The following ADGRD1 variants were observed in gnomAD, a reference collection of about 807,000 sequenced individuals.
ADGRD1 encodes adhesion G protein-coupled receptor D1, also known as G-protein coupled receptor 133.
A neutral mutation model predicts 113.4 loss-of-function variants in ADGRD1; 77 were observed. The observed-to-expected ratio is 0.68, with a 90% CI of 0.57 to 0.82. The LOEUF is 0.82. Ranked by LOEUF, ADGRD1 falls within the 40% of genes least tolerant of loss-of-function variation. The probability of loss-of-function intolerance (pLI) is 0.00; values close to 1 mark genes in which losing one functional copy is unlikely to be tolerated. For missense variants in ADGRD1, 1,036 were observed against 1,139.1 expected (o/e 0.91, Z 1.30); for synonymous variants, 474 against 475.0 (o/e 1.00, Z 0.03).
chr12:131,125,127 C>T (rs1950711029), intron 20 of ADGRD1, among the ~76,000 whole-genome samples: 1 of 152,202 alleles, frequency 6.6e-6, no homozygotes, highest in Admixed American at 6.5e-5. Flanking sequence ...TGGATTAAAG[C>T]TCACCCTAGT....
At chr12:131,127,657 TTATGG>T in intron 20 of ADGRD1, among the ~76,000 whole-genome samples, 1 of 145,982 alleles carries the variant, frequency 6.9e-6, no homozygotes, top group Admixed American at 6.7e-5. Flanking sequence ...GGGTTGGTTG[TTATGG>T]GACTCTGAGC....
rs1303175747 is a variant in ADGRD1, at chr12:131,084,335, A to T, written c.1548-205A>T. ...CTTCCTGTGGCCTGACCAGCAGCAG[A>T]CACTCTCCAGCTCTCGCCAGCCTGA... On this transcript the variant is annotated intron_variant, in intron 14 of 24. Transcript: ENST00000261654. This position sits in a 1 kb window ranked among gnomAD's most constrained non-coding sequence, Gnocchi z 4.5. 1.3e-5 allele frequency among the ~76,000 whole-genome samples: 2 copies of T among 152,024 alleles called. No individual in the cohort carries two copies. The highest frequency in any genetic ancestry group is 2.9e-5 in the Non-Finnish European group (2 of 68,006).
chr12:131,039,165 G>A lies in ADGRD1; in HGVS notation c.1473+24825G>A, dbSNP rs542799781. Among the ~76,000 whole-genome samples the A allele has an allele frequency of 4.0e-5, 6 of 150,626 alleles. No homozygotes were observed. The East Asian group carries it at 5.8e-4, about 15-fold the overall frequency. On this transcript the variant is annotated intron_variant, in intron 13 of 24. Coordinates refer to ENST00000261654, the MANE Select transcript of ADGRD1 (RefSeq NM_198827.5). ...ACTGCCCGCTGAGCCGGGACGGTGCGGAGAGTCCTGTGCTCCTCCAGCCAC... is the reference window on the plus strand; with the variant it reads ...ACTGCCCGCTGAGCCGGGACGGTGCAGAGAGTCCTGTGCTCCTCCAGCCAC...
intron 18 of ADGRD1, among the ~76,000 whole-genome samples, chr12:131,115,412 C>T (rs957825745): frequency 2.6e-5 from 4 of 152,170 alleles, no homozygotes; most frequent in African/African-American, 7.2e-5. Context: ...CCCCTGTGCC[C>T]GCGTGTGGGG....
intron 2 of ADGRD1, among the ~76,000 whole-genome samples, chr12:130,960,219 G>A (rs1475831973): frequency 6.6e-6 from 1 of 152,220 alleles, no homozygotes; most frequent in African/African-American, 2.4e-5. Context: ...TCATTACCCA[G>A]CAGTTTCCTG....
At chr12:130,978,365 G>A (rs1430013359) in intron 4 of ADGRD1, 1 of 152,062 alleles carries the variant, frequency 6.6e-6, no homozygotes, top group Non-Finnish European at 1.5e-5. Flanking sequence ...TGTCAAAAAA[G>A]ATCTTTCCTC....
intron 3 of ADGRD1, chr12:130,969,312 A>G (rs1871349799): frequency 8.4e-6 from 4 of 475,902 alleles, no homozygotes; most frequent in Middle Eastern, 1.2e-3. Context: ...ACTGGCAGCA[A>G]TCCGTAGCCT....
chr12:131,104,544 C>T (rs979894275), intron 15 of ADGRD1, among the ~76,000 whole-genome samples: 1 of 152,108 alleles, frequency 6.6e-6, no homozygotes, highest in Non-Finnish European at 1.5e-5. Context: ...GGAGGCTCAG[C>T]GCCTGCCCGG....
chr12:130,994,409 G>T (rs575128239), intron 8 of ADGRD1: 1 of 276,072 alleles, frequency 3.6e-6, no homozygotes, highest in East Asian at 9.4e-5. Context: ...TGTAGCTAAG[G>T]TATGCAGTCG....
intron 8 of ADGRD1, among the ~76,000 whole-genome samples, chr12:130,997,896 C>T (rs1006503991): frequency 3.9e-5 from 6 of 152,234 alleles, no homozygotes; most frequent in Admixed American, 2.0e-4. Flanking sequence ...CACGCCACTG[C>T]ACTCCAGCCT....
Position 131,027,356 on chromosome 12 carries a change from G to A in ADGRD1, c.1473+13016G>A, listed in dbSNP as rs1004090731. 2.0e-5 allele frequency: 3 copies of A among 152,240 alleles called. No homozygotes were observed. The highest frequency in any genetic ancestry group is 1.9e-4 in the East Asian group (1 of 5,180). 9.4% of individuals were successfully genotyped at this position (152,240 alleles called of 1,614,324 possible). A position where few individuals can be genotyped will look rare whatever the true frequency, so the allele number is the denominator to read the frequency against. The stretch of plus-strand genomic sequence containing the variant: ...TAAATGGGGTTCTGCTATCCGTGCC[G>A]TTTCGCAGCTTCAGTTTTTAAATTT... On this transcript the variant is annotated intron_variant, in intron 13 of 24. Coordinates refer to ENST00000261654, the MANE Select transcript of ADGRD1 (RefSeq NM_198827.5). The surrounding 1 kb of genome is among the most constrained non-coding windows in gnomAD (Gnocchi z 5.1).
At chr12:131,002,732 A>G in intron 9 of ADGRD1, 7 of 1,254,286 alleles carry the variant, frequency 5.6e-6, no homozygotes, top group Non-Finnish European at 7.2e-6. Context: ...GGGTGCCGGC[A>G]CCTCGGAAGC....
At position 130,992,239 on chromosome 12, in the gene ADGRD1, G is replaced by A; in HGVS notation, c.813G>A (p.Met271Ile). ...CTCATGTTGCCAATTTCTTTCAGAT[G>A]CCCACAGATGCCTACCATCCCATCA... ...LFMTSTASPV[M>I]PTDAYHPIIT... Residue 271 changes from methionine (M) to isoleucine (I), a missense_variant and splice_region_variant, in exon 8 of 25, where the codon ATG becomes ATA. Met to Ile is a conservative substitution (Grantham distance 10). Transcript: ENST00000261654. The A allele has an allele frequency of 6.2e-7, 1 of 1,604,052 alleles. No homozygotes were observed. The highest frequency in any genetic ancestry group is 1.3e-5 in the African/African-American group (1 of 74,374).
rs1180735920 is a variant in ADGRD1, at chr12:131,140,117, T to A, written c.*854T>A. The A allele has an allele frequency of 6.6e-6, 1 of 152,278 alleles. No homozygotes were observed. Among genetic ancestry groups the A allele is most frequent in the African/African-American group, 2.4e-5 (1 of 41,448 alleles). 9.4% of individuals were successfully genotyped at this position (152,278 alleles called of 1,614,324 possible). A position where few individuals can be genotyped will look rare whatever the true frequency, so the allele number is the denominator to read the frequency against. Reference sequence around the variant, plus strand: ...CTCGTGTGCCAGCCTCCTTGGTTGTTCTTGGGCCACAGGAGCTGGCCGTGT... The same window carrying A: ...CTCGTGTGCCAGCCTCCTTGGTTGTACTTGGGCCACAGGAGCTGGCCGTGT... On this transcript the variant is annotated 3_prime_UTR_variant, in exon 25 of 25. Transcript: ENST00000261654.
chr12:131,129,722 C>T (rs1010344825), intron 20 of ADGRD1, among the ~76,000 whole-genome samples: 8 of 152,210 alleles, frequency 5.3e-5, no homozygotes, highest in African/African-American at 1.4e-4. Context: ...AAAAAATAGT[C>T]GGAATTCTAG....
chr12:130,994,074 G>T (rs1593314474), intron 8 of ADGRD1: 1 of 241,546 alleles, frequency 4.1e-6, no homozygotes, highest in East Asian at 9.9e-5. Context: ...AGTGGGATTA[G>T]CAACCAGCTC....
chr12:131,084,379 C>T lies in ADGRD1; in HGVS notation c.1548-161C>T, dbSNP rs1886297698. On this transcript the variant is annotated intron_variant, in intron 14 of 24. Transcript: ENST00000261654. This position sits in a 1 kb window ranked among gnomAD's most constrained non-coding sequence, Gnocchi z 4.5. ...AGCCTGATGGCCAGAATCTCTCCTCCCAACCCCCACACCACGGTCTGGGTG... is the reference window on the plus strand; with the variant it reads ...AGCCTGATGGCCAGAATCTCTCCTCTCAACCCCCACACCACGGTCTGGGTG... Among the ~76,000 whole-genome samples the T allele has an allele frequency of 6.6e-6, 1 of 152,146 alleles. No individual in the cohort carries two copies. The highest frequency in any genetic ancestry group is 2.4e-5 in the African/African-American group (1 of 41,414).
intron 13 of ADGRD1, chr12:131,035,458 C>T (rs1000647384): frequency 2.0e-5 from 3 of 152,256 alleles, no homozygotes; most frequent in Non-Finnish European, 4.4e-5. Context: ...AGTCACGCCC[C>T]GAGGGGCCCG....
At chr12:130,980,143 C>T (rs1172933457) in intron 4 of ADGRD1, among the ~76,000 whole-genome samples, 20 of 151,246 alleles carry the variant, frequency 1.3e-4, no homozygotes, top group Admixed American at 3.9e-4. Flanking sequence ...CTCGCTCTGT[C>T]GCCCAGGCTG....
Sources: gnomAD v4.1 joint callset for allele counts (sites outside exome capture counted in the v4.1 genomes callset) on GRCh38, gnomAD v4.1.1 for gene constraint, Gnocchi (gnomAD v3.1) non-coding constraint, MANE v1.5 for transcripts, NCBI Gene and HGNC (gene_info 2026-07-23, HGNC 2026-07-21) for gene names.